ACAA1: variants seen among roughly 807,000 people sequenced by gnomAD.
The protein encoded by ACAA1 is 3-ketoacyl-CoA thiolase, peroxisomal.
A neutral mutation model predicts 48.8 loss-of-function variants in ACAA1; 44 were observed. The ratio of observed to expected loss-of-function variants is 0.90; its 90% CI spans 0.71 to 1.16. The LOEUF is 1.16. Among genes scored for constraint, ACAA1 ranks in the 50% most tolerant of loss-of-function variants. ACAA1 has a pLI of 0.00. For synonymous variants in ACAA1, 233 were observed against 226.5 expected (o/e 1.03, Z -0.26); for missense variants, 512 against 562.3 (o/e 0.91, Z 0.90).
intron 3 of ACAA1, 82 bp downstream of exon 3, chr3:38,133,870 A>G: frequency 1.4e-6 from 2 of 1,464,348 alleles, no homozygotes; most frequent in South Asian, 1.1e-5. Context: ...ATCCTCCCCA[A>G]CCTGCACACT....
chr3:38,136,514 G>T, intron 2 of ACAA1, 78 bp downstream of exon 2: 1 of 1,521,230 alleles, frequency 6.6e-7, no homozygotes, highest in Non-Finnish European at 9.1e-7. Flanking sequence ...TGAAAATTCG[G>T]GGCGGGGAGG....
At chr3:38,134,555 G>T (rs1223595917) in intron 2 of ACAA1, 1 of 454,812 alleles carries the variant, frequency 2.2e-6, no homozygotes, top group Non-Finnish European at 4.4e-6. Context: ...ATGTTGATCT[G>T]TACAAAGAAA....
chr3:38,136,382 T>G (rs938440483), intron 2 of ACAA1, among the ~76,000 whole-genome samples: 1 of 152,182 alleles, frequency 6.6e-6, no homozygotes, highest in African/African-American at 2.4e-5. Context: ...CTGGGCCCAC[T>G]CTACACTTTG....
rs1700694810 is a variant in ACAA1 at position 38,126,918 on chromosome 3, G to GTT, written c.627-219_627-218insAA. 6.6e-6 allele frequency among the ~76,000 whole-genome samples: 1 copy of GTT among 152,180 alleles called. No homozygotes were observed. ...TCGTGGCCAATCCCAACCTCAAAGG[G>GTT]GGGAAAGGGTGTTTGGAAGTGGTGC... On this transcript the variant is annotated intron_variant, in intron 7 of 11. Transcript: ENST00000333167. The surrounding 1 kb of genome is among the most constrained non-coding windows in gnomAD (Gnocchi z 4.7).
At position 38,125,710 on chromosome 3, in the gene ACAA1, C is replaced by T. The variant is rs1259030058; in HGVS notation, c.1054G>A (p.Ala352Thr). 1 of 1,608,308 alleles carries T rather than the reference C, an allele frequency of 6.2e-7. No individual in the cohort carries two copies. The highest frequency in any genetic ancestry group is 1.7e-5 in the Admixed American group (1 of 59,718). The change falls in exon 11 of 12, where the codon GCT (alanine) becomes ACT (threonine). Residue 352 changes from alanine to threonine, a missense_variant and splice_region_variant. By Grantham distance (58) the Ala-to-Thr change is moderately conservative. Coordinates refer to ENST00000333167, the MANE Select transcript of ACAA1 (RefSeq NM_001607.4). ...FEINEAFASQ[A>T]AYCVEKLRLP... Reference sequence around the variant, plus strand: ...CGTAGCTTCTCCACACAGTAGGCAGCCTGGAAGGAGGCAGATCATCACCTA... The same window carrying T: ...CGTAGCTTCTCCACACAGTAGGCAGTCTGGAAGGAGGCAGATCATCACCTA...
At chr3:38,133,561 A>AT (rs1700829568) in intron 3 of ACAA1, 2 of 210,392 alleles carry the variant, frequency 9.5e-6, no homozygotes, top group South Asian at 1.4e-4. Context: ...GTTCTGCCCT[A>AT]TCCCAAAGTC....
At position 38,122,769 on chromosome 3, in the gene ACAA1, T is replaced by C; in HGVS notation, c.*278A>G. ...GCACTTCTCATCCATGGATTTGCCT[T>C]GCCTTAAGAATTAACCATGGCCTTG... On this transcript the variant is annotated 3_prime_UTR_variant, in exon 12 of 12. Transcript: ENST00000333167. 1 of 1,223,284 alleles carries C rather than the reference T, an allele frequency of 8.2e-7. No individual in the cohort carries two copies. Among genetic ancestry groups the C allele is most frequent in the East Asian group, 2.7e-5 (1 of 36,892 alleles). 75.8% of individuals were successfully genotyped at this position (1,223,284 alleles called of 1,614,324 possible). A position where few individuals can be genotyped will look rare whatever the true frequency, so the allele number is the denominator to read the frequency against.
At chr3:38,133,615 A>G in intron 3 of ACAA1, 1 of 314,232 alleles carries the variant, frequency 3.2e-6, no homozygotes. Context: ...CAACTAGTAA[A>G]AAGGCTGAAA....
intron 6 of ACAA1, 112 bp from the exon 7 acceptor site, chr3:38,127,978 G>C: frequency 1.0e-6 from 1 of 972,362 alleles, no homozygotes; most frequent in Non-Finnish European, 1.6e-6. Context: ...AGGCAGGACA[G>C]GATGTAAGGG....
chr3:38,126,592 A>G lies in ACAA1; in HGVS notation c.735T>C (p.Asp245=). The G allele has an allele frequency of 6.2e-7, 1 of 1,614,158 alleles. No homozygotes were observed. The highest frequency in any genetic ancestry group is 8.5e-7 in the Non-Finnish European group (1 of 1,180,010). The change falls in exon 8 of 12, where the codon GAT becomes GAC. Residue 245 remains aspartate, a synonymous_variant. Coordinates refer to ENST00000333167, the MANE Select transcript of ACAA1 (RefSeq NM_001607.4). The surrounding 1 kb of genome is among the most constrained non-coding windows in gnomAD (Gnocchi z 4.7). ...GTKRSITVTQ[D]EGIRPSTTME... is the part of the protein sequence containing the mutation. ...TGGTGGTGCTGGGGCGGATACCCTC[A>G]TCCTGGGTCACAGTGATGCTCCTCT...
chr3:38,134,706 A>T (rs1481399773), intron 2 of ACAA1, among the ~76,000 whole-genome samples: 1 of 152,228 alleles, frequency 6.6e-6, no homozygotes, highest in Admixed American at 6.5e-5. Flanking sequence ...GTTTGCAGAC[A>T]GTATGCTTGG....
At chr3:38,136,496 T>TC (rs1425506344) in intron 2 of ACAA1, 96 bp downstream of exon 2, 2 of 1,344,750 alleles carry the variant, frequency 1.5e-6, no homozygotes, top group East Asian at 2.3e-5. Flanking sequence ...CCATGGAGGT[T>TC]CCCCCAGTGA....
In ACAA1 at chr3:38,127,821, C is replaced by A. The variant is rs762693594; in HGVS notation, c.591G>T (p.Glu197Asp). 1.2e-6 allele frequency: 2 copies of A among 1,614,230 alleles called. No individual in the cohort carries two copies. Among genetic ancestry groups the A allele is most frequent in the Admixed American group, 1.7e-5 (1 of 60,032 alleles). ...AAGCCAGGGCAAAGGTATCCTGCTTCTCCCGTGAAATGCCAAACCGCTCAG... is the reference window on the plus strand; with the variant it reads ...AAGCCAGGGCAAAGGTATCCTGCTTATCCCGTGAAATGCCAAACCGCTCAG... ...NVAERFGISR[E>D]KQDTFALASQ... The change falls in exon 7 of 12, where the codon GAG (glutamate) becomes GAT (aspartate). Residue 197 changes from glutamate to aspartate, a missense_variant. Transcript: ENST00000333167.
At chr3:38,131,893 C>A in intron 4 of ACAA1, 33 bp downstream of exon 4, 1 of 1,595,846 alleles carries the variant, frequency 6.3e-7, no homozygotes, top group South Asian at 1.1e-5. Context: ...CCCACAGGTC[C>A]AGGACCAAGG....
At position 38,129,224 on chromosome 3, in the gene ACAA1, A is replaced by T. The variant is rs1356511088; in HGVS notation, c.545+66T>A. The T allele has an allele frequency of 6.2e-6, 9 of 1,462,014 alleles. No individual in the cohort carries two copies. Among genetic ancestry groups the T allele is most frequent in the African/African-American group, 1.4e-5 (1 of 71,742 alleles). The allele number at this position is 1,462,014 out of a possible 1,614,324, so 90.6% of individuals were successfully genotyped here. A position where few individuals can be genotyped will look rare whatever the true frequency, so the allele number is the denominator to read the frequency against. ...GGCACCACCAGCCACAGAGATGATA[A>T]AAGTTCCTTGGCTCCCTGCCCCAGG... On this transcript the variant is annotated intron_variant, in intron 6 of 11. Coordinates refer to ENST00000333167, the MANE Select transcript of ACAA1 (RefSeq NM_001607.4). This position sits in a 1 kb window ranked among gnomAD's most constrained non-coding sequence, Gnocchi z 5.3.
intron 4 of ACAA1, 66 bp downstream of exon 4, chr3:38,131,847 TGCTTGCCCGGCAG>T: frequency 7.0e-7 from 1 of 1,420,190 alleles, no homozygotes; most frequent in Non-Finnish European, 9.9e-7. Context: ...TGGTAATTAT[TGCTTGCCCGGCAG>T]ACAGCGACTT....
Position 38,126,091 on chromosome 3 carries a change from C to T in ACAA1, c.997+71G>A. 1 of 1,560,718 alleles carries T rather than the reference C, an allele frequency of 6.4e-7. No individual in the cohort carries two copies. The highest frequency in any genetic ancestry group is 8.7e-7 in the Non-Finnish European group (1 of 1,146,446). On this transcript the variant is annotated intron_variant, in intron 9 of 11. Transcript: ENST00000333167. This position sits in a 1 kb window ranked among gnomAD's most constrained non-coding sequence, Gnocchi z 4.7. ...CACCCACAGGACCACCCTCATGCCC[C>T]TGGCAACAGCATGCAGGGCAGCTGC...
In ACAA1 at chr3:38,122,833, T is replaced by TA. The variant is rs906509505; in HGVS notation, c.*213dup. The TA allele has an allele frequency of 1.2e-6, 1 of 826,834 alleles. No individual in the cohort carries two copies. Among genetic ancestry groups the TA allele is most frequent in the African/African-American group, 1.7e-5 (1 of 57,796 alleles). The allele number at this position is 826,834 out of a possible 1,614,324, so 51.2% of individuals were successfully genotyped here. On this transcript the variant is annotated 3_prime_UTR_variant, in exon 12 of 12. Coordinates refer to ENST00000333167, the MANE Select transcript of ACAA1 (RefSeq NM_001607.4). ...CCAGGCTGCTTTTATCTTGCACAGC[T>TA]AAAGAGGGTCTGATGGGTGGCTCAA...
Position 38,136,928 on chromosome 3 carries a change from C to G in ACAA1, c.108G>C (p.Ala36=). 8 of 1,539,678 alleles carry G rather than the reference C, an allele frequency of 5.2e-6. No homozygotes were observed. Among genetic ancestry groups the G allele is most frequent in the Non-Finnish European group, 7.0e-6 (8 of 1,145,410 alleles). Residue 36 remains alanine, a synonymous_variant, in exon 1 of 12, where the codon GCG becomes GCC. Transcript: ENST00000333167. ...GCCGCCCGTGCACCACCACCACGTC[C>G]GCGGCCGAGGCCTGCGGGGCACCGC... ...CLSGAPQASA[A]DVVVVHGRRT...
Sources: allele counts gnomAD v4.1 joint callset (sites outside exome capture counted in the v4.1 genomes callset), GRCh38; gene constraint gnomAD v4.1.1; non-coding constraint Gnocchi (gnomAD v3.1); transcripts MANE v1.5; gene names NCBI Gene and HGNC (gene_info 2026-07-23, HGNC 2026-07-21).